Variants in ASTN2 observed in about 807,000 individuals in gnomAD.
ASTN2 encodes the protein astrotactin 2.
In ASTN2, 54 loss-of-function variants were observed where a neutral mutation model predicts 139.8. That is an observed-to-expected ratio of 0.39 (90% CI 0.31 to 0.48). ASTN2 has a LOEUF of 0.48. Ranked by LOEUF, ASTN2 falls within the 20% of genes least tolerant of loss-of-function variation. The probability of loss-of-function intolerance (pLI) is 0.95; values close to 1 mark genes in which losing one functional copy is unlikely to be tolerated. For missense variants in ASTN2, 1,565 were observed against 1,725.1 expected (o/e 0.91, Z 1.64); for synonymous variants, 756 against 719.5 (o/e 1.05, Z -0.81).
At chr9:116,772,487 A>G (rs2132187689) in intron 13 of ASTN2, among the ~76,000 whole-genome samples, 1 of 152,242 alleles carries the variant, frequency 6.6e-6, no homozygotes, top group South Asian at 2.1e-4. Context: ...ACCCAGCCTC[A>G]AGTATGTATT....
chr9:116,438,334 A>G (rs1847723313), intron 22 of ASTN2, among the ~76,000 whole-genome samples: 1 of 152,176 alleles, frequency 6.6e-6, no homozygotes, highest in African/African-American at 2.4e-5. Flanking sequence ...TCAAAAGCTT[A>G]CCATTACCCT....
At chr9:117,228,378 C>A (rs140465477) in intron 2 of ASTN2, among the ~76,000 whole-genome samples, 1 of 152,138 alleles carries the variant, frequency 6.6e-6, no homozygotes, top group African/African-American at 2.4e-5. Flanking sequence ...ACAAGTCACA[C>A]AATAGGGGTC....
At chr9:116,468,396 C>T (rs1172301085) in intron 20 of ASTN2, among the ~76,000 whole-genome samples, 1 of 152,204 alleles carries the variant, frequency 6.6e-6, no homozygotes, top group Non-Finnish European at 1.5e-5. Flanking sequence ...CAGTACTACT[C>T]TACCTTGGGC....
At chr9:117,348,882 C>CAA (rs58386335) in intron 1 of ASTN2, among the ~76,000 whole-genome samples, 2,111 of 130,174 alleles carry the variant, frequency 0.016, 68 homozygotes, top group African/African-American at 0.042. Flanking sequence ...TGTCTCTGTC[C>CAA]AAAAAAAAAA....
chr9:117,326,167 TG>T (rs1484762552), intron 1 of ASTN2, among the ~76,000 whole-genome samples: 2 of 152,032 alleles, frequency 1.3e-5, no homozygotes, highest in Non-Finnish European at 2.9e-5. Flanking sequence ...GAAACTTCTC[TG>T]TTTTTTTTTT....
chr9:116,841,352 G>A (rs531109847), intron 11 of ASTN2, among the ~76,000 whole-genome samples: 8 of 152,330 alleles, frequency 5.3e-5, no homozygotes, highest in African/African-American at 1.9e-4. Flanking sequence ...GGCTCGGCAT[G>A]AGAGGGAGAC....
At chr9:116,667,279 A>G (rs894353316) in intron 16 of ASTN2, among the ~76,000 whole-genome samples, 2 of 152,108 alleles carry the variant, frequency 1.3e-5, no homozygotes, top group African/African-American at 2.4e-5. Flanking sequence ...AAATATACAG[A>G]CTATGAAAGA....
chr9:117,014,346 C>G (rs1401593355), intron 6 of ASTN2, among the ~76,000 whole-genome samples: 1 of 152,114 alleles, frequency 6.6e-6, no homozygotes, highest in Non-Finnish European at 1.5e-5. Context: ...TGGTTAAAAA[C>G]AAGCTTGAGG....
chr9:117,039,769 G>A (rs1019934802), intron 6 of ASTN2, 50 bp downstream of exon 6: 2 of 1,569,960 alleles, frequency 1.3e-6, no homozygotes, highest in Non-Finnish European at 1.7e-6. Context: ...ACCAGTCAGG[G>A]GTGCAAGGTG....
chr9:116,874,794 A>T lies in ASTN2; in HGVS notation c.1890-11061T>A, dbSNP rs2132358150. On this transcript the variant is annotated intron_variant, in intron 10 of 22. Transcript: ENST00000313400. ...TGCAGATATTATTTCTTAAAGATTG[A>T]AGGTCGGTGGCTACCCTGTGTCAAG... Among the ~76,000 whole-genome samples the T allele has an allele frequency of 2.0e-5, 3 of 152,228 alleles. 1 individual carries two copies. The highest frequency in any genetic ancestry group is 2.0e-4 in the Admixed American group (3 of 15,292).
At position 116,625,226 on chromosome 9, in the gene ASTN2, C is replaced by T. The variant is rs10983279; in HGVS notation, c.3073-4783G>A. Among the ~76,000 whole-genome samples, 2,891 of 152,152 alleles carry T rather than the reference C, an allele frequency of 0.019. 394 individuals are homozygous for T. The South Asian group carries it at 0.29, about 15-fold the overall frequency. On this transcript the variant is annotated intron_variant, in intron 17 of 22. Coordinates refer to ENST00000313400, the MANE Select transcript of ASTN2 (RefSeq NM_001365068.1). ...CGGGTGGATCACGAGGTCAGGAGTT[C>T]GAGACCAGCCTGGCCAACATGGTGG...
intron 1 of ASTN2, among the ~76,000 whole-genome samples, chr9:117,303,243 CA>C (rs1489589656): frequency 6.6e-6 from 1 of 152,070 alleles, no homozygotes; most frequent in Non-Finnish European, 1.5e-5. Context: ...GCAATTTTTG[CA>C]ACAGCAGGAG....
chr9:117,159,036 A>G (rs1355450175), intron 3 of ASTN2, among the ~76,000 whole-genome samples: 1 of 151,908 alleles, frequency 6.6e-6, no homozygotes, highest in Non-Finnish European at 1.5e-5. Flanking sequence ...AATTGTCTCC[A>G]CTGGTGTATG....
chr9:116,737,955 G>A (rs1163199679), intron 13 of ASTN2, among the ~76,000 whole-genome samples: 4 of 152,002 alleles, frequency 2.6e-5, no homozygotes, highest in Non-Finnish European at 5.9e-5. Context: ...CACTTTGGGA[G>A]GCCGAGGCGG....
At chr9:117,351,813 G>T (rs1223612142) in intron 1 of ASTN2, among the ~76,000 whole-genome samples, 1 of 152,110 alleles carries the variant, frequency 6.6e-6, no homozygotes, top group Non-Finnish European at 1.5e-5. Context: ...GATGGGGGGT[G>T]CTATAGCCAT....
chr9:116,615,405 G>T (rs1855791076), intron 19 of ASTN2, among the ~76,000 whole-genome samples: 1 of 152,004 alleles, frequency 6.6e-6, no homozygotes, highest in Non-Finnish European at 1.5e-5. Flanking sequence ...AAATCATGCT[G>T]CTATAAAGAC....
chr9:117,016,616 C>CTATATATATATATATA lies in ASTN2; in HGVS notation c.1424-8358_1424-8357insTATATATATATATATA, dbSNP rs1270792302. On this transcript the variant is annotated intron_variant, in intron 6 of 22. Coordinates refer to ENST00000313400, the MANE Select transcript of ASTN2 (RefSeq NM_001365068.1). The stretch of plus-strand genomic sequence containing the variant: ...TTTATATATATATCTATATCTATAT[C>CTATATATATATATATA]TATCTATCTATATATATATATATAT... Among the ~76,000 whole-genome samples the CTATATATATATATATA allele has an allele frequency of 7.1e-5, 3 of 42,470 alleles. 1 individual carries two copies. The East Asian group carries it at 1.3e-3, about 18-fold the overall frequency. The allele number at this position is 42,470 out of a possible 152,430, so 27.9% of individuals were successfully genotyped here.
chr9:116,968,994 T>C (rs967858097), intron 10 of ASTN2, among the ~76,000 whole-genome samples: 6 of 152,300 alleles, frequency 3.9e-5, no homozygotes, highest in Middle Eastern at 3.4e-3. Context: ...TCTGGGTTTT[T>C]CTTATCCAAC....
chr9:117,189,339 C>T (rs1831289014), intron 3 of ASTN2, among the ~76,000 whole-genome samples: 1 of 152,112 alleles, frequency 6.6e-6, no homozygotes, highest in South Asian at 2.1e-4. Context: ...TGGGCTGGAA[C>T]ATGGATAGAA....
Sources: allele counts gnomAD v4.1 joint callset (sites outside exome capture counted in the v4.1 genomes callset), GRCh38; gene constraint gnomAD v4.1.1; transcripts MANE v1.5; gene names NCBI Gene and HGNC (gene_info 2026-07-23, HGNC 2026-07-21).